The following CMTM7 variants were observed in gnomAD, a reference collection of about 807,000 sequenced individuals.
CMTM7 encodes CKLF-like MARVEL transmembrane domain-containing protein 7.
CMTM7 carries 7 observed loss-of-function variants against 19.3 expected under a neutral mutation model. The observed-to-expected ratio is 0.36, with a 90% confidence interval of 0.21 to 0.68. The LOEUF is 0.68. CMTM7 is among the 30% of genes least tolerant of loss of function. CMTM7 has a pLI of 0.60. For missense variants in CMTM7, 193 were observed against 232.6 expected, an observed-to-expected ratio of 0.83 and a Z score of 1.11; for synonymous variants, 87 against 99.3, an observed-to-expected ratio of 0.88 and a Z score of 0.74.
intron 1 of CMTM7, among the ~76,000 whole-genome samples, chr3:32,439,700 G>T (rs1183069400): frequency 6.6e-6 from 1 of 152,176 alleles, no homozygotes. Flanking sequence ...TGATCCACCC[G>T]CCTTGGCCTC....
At chr3:32,423,378 A>G (rs972647434) in intron 1 of CMTM7, among the ~76,000 whole-genome samples, 64 of 152,230 alleles carry the variant, frequency 4.2e-4, no homozygotes, top group African/African-American at 1.5e-3. Flanking sequence ...TGCTGGTAGA[A>G]CTCTCTTTTC....
chr3:32,422,308 C>T (rs1696357160), intron 1 of CMTM7, among the ~76,000 whole-genome samples: 2 of 152,250 alleles, frequency 1.3e-5, no homozygotes, highest in Admixed American at 6.5e-5. Flanking sequence ...AGGCGGCCTA[C>T]ACCCACATTG....
rs1695842456 is a variant in CMTM7 at position 32,392,026 on chromosome 3, C to T, written c.120C>T (p.Tyr40=). The part of the protein sequence containing the change: ...SPLEGLLDLS[Y]PRTHAALLKV... ...TGGAGGGGCTGCTGGACCTCAGCTA[C>T]CCCCGCACCCACGCGGCCCTGCTGA... Residue 40 remains tyrosine (Y), a synonymous_variant, in exon 1 of 5, where the codon TAC becomes TAT. Transcript: ENST00000334983. 1 of 1,235,250 alleles carries T rather than the reference C, an allele frequency of 8.1e-7. No homozygotes were observed. 76.5% of individuals were successfully genotyped at this position (1,235,250 alleles called of 1,614,324 possible). A position where few individuals can be genotyped will look rare whatever the true frequency, so the allele number is the denominator to read the frequency against.
intron 1 of CMTM7, among the ~76,000 whole-genome samples, chr3:32,398,100 T>C (rs1695945132): frequency 2.0e-5 from 3 of 152,188 alleles, no homozygotes; most frequent in African/African-American, 4.8e-5. Context: ...ATGTTAGGGT[T>C]GGGAAGGAAA....
intron 1 of CMTM7, among the ~76,000 whole-genome samples, chr3:32,393,448 T>G (rs559954488): frequency 1.3e-5 from 2 of 152,258 alleles, no homozygotes; most frequent in East Asian, 3.9e-4. Flanking sequence ...ATATCCTACC[T>G]GAGCATTGGA....
chr3:32,431,257 A>G (rs185385627), intron 1 of CMTM7, among the ~76,000 whole-genome samples: 9 of 152,362 alleles, frequency 5.9e-5, no homozygotes, highest in Non-Finnish European at 1.3e-4. Context: ...TGCTTGAAAC[A>G]TACAAACATG....
chr3:32,415,253 A>C (rs533940842), intron 1 of CMTM7, among the ~76,000 whole-genome samples: 1 of 152,096 alleles, frequency 6.6e-6, no homozygotes, highest in East Asian at 1.9e-4. Context: ...CTGCATTTTA[A>C]CGCATCCCCT....
intron 2 of CMTM7, among the ~76,000 whole-genome samples, chr3:32,444,176 T>A (rs902027777): frequency 2.0e-5 from 3 of 152,268 alleles, no homozygotes; most frequent in Admixed American, 2.0e-4. Context: ...CCAAGAGTTT[T>A]ATAGTTTTAG....
chr3:32,430,680 A>ACTGTGTGTGTGTGTGTGTGTGTGTGTGT, intron 1 of CMTM7, among the ~76,000 whole-genome samples: 1 of 33,156 alleles, frequency 3.0e-5, no homozygotes, highest in East Asian at 5.1e-4. Context: ...TCTACATCTG[A>ACTGTGTGTGTGTGTGTGTGTGTGTGTGT]ATGTGTGTGT....
chr3:32,430,237 G>T (rs1376992996), intron 1 of CMTM7, among the ~76,000 whole-genome samples: 2 of 152,092 alleles, frequency 1.3e-5, no homozygotes, highest in Non-Finnish European at 2.9e-5. Context: ...CTCCCATATT[G>T]TTGTGAAGCA....
chr3:32,427,292 A>T (rs1696447531), intron 1 of CMTM7, among the ~76,000 whole-genome samples: 1 of 152,222 alleles, frequency 6.6e-6, no homozygotes, highest in East Asian at 1.9e-4. Context: ...CAGGACAAAC[A>T]CGTAGTGAGT....
At chr3:32,397,732 C>CAA (rs35149379) in intron 1 of CMTM7, among the ~76,000 whole-genome samples, 2 of 140,424 alleles carry the variant, frequency 1.4e-5, no homozygotes, top group South Asian at 2.2e-4. Flanking sequence ...GACTCTGTCT[C>CAA]AAAAAAAAAA....
intron 2 of CMTM7, among the ~76,000 whole-genome samples, chr3:32,446,174 A>G (rs1438632610): frequency 1.3e-5 from 2 of 152,088 alleles, no homozygotes; most frequent in Non-Finnish European, 2.9e-5. Flanking sequence ...TTTATTGTTA[A>G]TTCGAACTCT....
chr3:32,430,681 ATG>A (rs35054129), intron 1 of CMTM7, among the ~76,000 whole-genome samples: 3,176 of 133,890 alleles, frequency 0.024, 57 homozygotes, highest in South Asian at 0.087. Flanking sequence ...CTACATCTGA[ATG>A]TGTGTGTGTG....
At chr3:32,403,459 C>T (rs1398230279) in intron 1 of CMTM7, among the ~76,000 whole-genome samples, 1 of 152,206 alleles carries the variant, frequency 6.6e-6, no homozygotes, top group Admixed American at 6.5e-5. Context: ...GCAATCAGCT[C>T]ACCTCGGCCT....
In CMTM7 at chr3:32,430,256, G is replaced by A. The variant is rs540482547; in HGVS notation, c.160-11584G>A. Among the ~76,000 whole-genome samples, 18 of 152,186 alleles carry A rather than the reference G, an allele frequency of 1.2e-4. No individual in the cohort carries two copies. In the East Asian group the frequency reaches 1.9e-3, roughly 16 times the overall value. On this transcript the variant is annotated intron_variant, in intron 1 of 4. Transcript: ENST00000334983. ...CATATTGTTGTGAAGCAGATCCTGC[G>A]CTGTTTCATCTCATCTGCAATCATT...
intron 1 of CMTM7, among the ~76,000 whole-genome samples, chr3:32,406,730 T>C (rs568420936): frequency 1.7e-3 from 263 of 152,314 alleles, no homozygotes; most frequent in African/African-American, 6.1e-3. Context: ...AACTGGTTTA[T>C]TGAGCGAGGA....
chr3:32,411,680 C>T (rs1200682066), intron 1 of CMTM7, among the ~76,000 whole-genome samples: 1 of 152,244 alleles, frequency 6.6e-6, no homozygotes, highest in Non-Finnish European at 1.5e-5. Flanking sequence ...AGATTTTCTT[C>T]CTCCTGCTGG....
At chr3:32,392,307 G>T (rs1695849014) in intron 1 of CMTM7, among the ~76,000 whole-genome samples, 1 of 151,450 alleles carries the variant, frequency 6.6e-6, no homozygotes, top group South Asian at 2.1e-4. Context: ...GACCCAGGTC[G>T]CCAGGGTCGC....
Sources: allele counts gnomAD v4.1 joint callset (sites outside exome capture counted in the v4.1 genomes callset), GRCh38; gene constraint gnomAD v4.1.1; transcripts MANE v1.5; gene names NCBI Gene and HGNC (gene_info 2026-07-23, HGNC 2026-07-21).